The following SAMD4B variants were observed in gnomAD, a reference collection of about 807,000 sequenced individuals.
SAMD4B encodes protein Smaug homolog 2.
A neutral mutation model predicts 74.5 loss-of-function variants in SAMD4B; 5 were observed. The observed-to-expected ratio is 0.07, with a 90% confidence interval of 0.04 to 0.14. SAMD4B has a LOEUF of 0.14. SAMD4B is among the 10% of genes least tolerant of loss of function. SAMD4B has a pLI of 1.00. For missense variants in SAMD4B, 608 were observed against 921.8 expected (o/e 0.66, Z 4.41); for synonymous variants, 373 against 374.9 (o/e 1.00, Z 0.06).
intron 1 of SAMD4B, among the ~76,000 whole-genome samples, chr19:39,346,664 G>T (rs191435683): frequency 6.6e-6 from 1 of 152,238 alleles, no homozygotes; most frequent in Non-Finnish European, 1.5e-5. Context: ...GGGTCTGTGG[G>T]CACTGTCCAT....
At chr19:39,381,567 CT>C (rs2077989120) in intron 12 of SAMD4B, among the ~76,000 whole-genome samples, 1 of 152,172 alleles carries the variant, frequency 6.6e-6, no homozygotes, top group African/African-American at 2.4e-5. Context: ...AACCAGTGGA[CT>C]TCACCTCTTA....
In SAMD4B at chr19:39,369,659, C is replaced by A; in HGVS notation, c.201C>A (p.Ile67=). 1 of 1,613,510 alleles carries A rather than the reference C, an allele frequency of 6.2e-7. No individual in the cohort carries two copies. Among genetic ancestry groups the A allele is most frequent in the Non-Finnish European group, 8.5e-7 (1 of 1,179,606 alleles). The change falls in exon 4 of 14, where the codon ATC becomes ATA. Residue 67 remains isoleucine, a synonymous_variant. Transcript: ENST00000610417. ...TTCTTCTTATCCCTTCTGTAGCCAT[C>A]GTCAGCCAGTGGCAGCAGGAGTCCA... is the stretch of plus-strand genomic sequence containing the variant. ...LLESEANSAA[I]VSQWQQESKE...
At position 39,378,693 on chromosome 19, in the gene SAMD4B, G is replaced by T. The variant is rs977100092; in HGVS notation, c.1530+104G>T. 7 of 882,728 alleles carry T rather than the reference G, an allele frequency of 7.9e-6. No individual in the cohort carries two copies. The highest frequency in any genetic ancestry group is 4.2e-5 in the Admixed American group (2 of 47,332). The allele number at this position is 882,728 out of a possible 1,614,324, so 54.7% of individuals were successfully genotyped here. A position where few individuals can be genotyped will look rare whatever the true frequency, so the allele number is the denominator to read the frequency against. The stretch of plus-strand genomic sequence containing the variant: ...GCCACCGAGGCGGGCGGATCATGAG[G>T]TCAGGAGATCGAGACCATCCTGGCT... On this transcript the variant is annotated intron_variant, in intron 9 of 13. Transcript: ENST00000610417. The surrounding 1 kb of genome is among the most constrained non-coding windows in gnomAD (Gnocchi z 4.4).
chr19:39,381,306 G>A, intron 12 of SAMD4B, 193 bp downstream of exon 12: 1 of 602,316 alleles, frequency 1.7e-6, no homozygotes, highest in South Asian at 2.5e-5. Flanking sequence ...TATCTCTCAG[G>A]TCTTGCCCCC....
intron 1 of SAMD4B, among the ~76,000 whole-genome samples, chr19:39,349,520 A>G (rs1215976618): frequency 2.0e-5 from 3 of 152,138 alleles, no homozygotes; most frequent in Non-Finnish European, 4.4e-5. Flanking sequence ...ATTCTTTGCT[A>G]ATGCAGTGGT....
chr19:39,359,281 T>C (rs1389616929), intron 3 of SAMD4B, among the ~76,000 whole-genome samples: 1 of 152,238 alleles, frequency 6.6e-6, no homozygotes, highest in Non-Finnish European at 1.5e-5. Context: ...TAGCTGTATA[T>C]CAGAATCACC....
At position 39,383,776 on chromosome 19, in the gene SAMD4B, G is replaced by A; in HGVS notation, c.*249G>A. ...GCCAGGATAAAGGGGGCAGGGACTG[G>A]CCAGACTGCCTGCCTCTCTCCTTTC... is the stretch of plus-strand genomic sequence containing the variant. On this transcript the variant is annotated 3_prime_UTR_variant, in exon 14 of 14. Transcript: ENST00000610417. The surrounding 1 kb of genome is among the most constrained non-coding windows in gnomAD (Gnocchi z 4.1). 2 of 1,427,040 alleles carry A rather than the reference G, an allele frequency of 1.4e-6. No individual in the cohort carries two copies. Among genetic ancestry groups the A allele is most frequent in the Non-Finnish European group, 1.9e-6 (2 of 1,052,252 alleles). 88.4% of individuals were successfully genotyped at this position (1,427,040 alleles called of 1,614,324 possible). A position where few individuals can be genotyped will look rare whatever the true frequency, so the allele number is the denominator to read the frequency against.
chr19:39,371,919 G>C (rs1341431517), intron 4 of SAMD4B, among the ~76,000 whole-genome samples: 8 of 152,100 alleles, frequency 5.3e-5, no homozygotes, highest in African/African-American at 1.9e-4. Flanking sequence ...CAGGCATTCT[G>C]ACTATAGACT....
At chr19:39,371,329 C>A (rs2077282332) in intron 4 of SAMD4B, among the ~76,000 whole-genome samples, 1 of 152,138 alleles carries the variant, frequency 6.6e-6, no homozygotes, top group Non-Finnish European at 1.5e-5. Flanking sequence ...TGTTTTTCCC[C>A]CAGTTAGTGT....
rs1403440966 is a variant in SAMD4B at position 39,383,491 on chromosome 19, T to C, written c.2057-8T>C. ...GATCTTCCTCCCTTCCTCCCTTTCT[T>C]ACCACAGATGGGACAGACAAAACCT... On this transcript the variant is annotated splice_region_variant and splice_polypyrimidine_tract_variant and intron_variant, in intron 13 of 13. Transcript: ENST00000610417. This position sits in a 1 kb window ranked among gnomAD's most constrained non-coding sequence, Gnocchi z 4.1. 2 of 1,614,034 alleles carry C rather than the reference T, an allele frequency of 1.2e-6. No homozygotes were observed. Among genetic ancestry groups the C allele is most frequent in the South Asian group, 1.1e-5 (1 of 91,068 alleles).
intron 3 of SAMD4B, among the ~76,000 whole-genome samples, chr19:39,364,843 G>A (rs2076861107): frequency 6.6e-6 from 1 of 152,186 alleles, no homozygotes; most frequent in African/African-American, 2.4e-5. Context: ...GACAGACAAG[G>A]GAATGAGGTT....
chr19:39,368,794 A>G (rs2077124271), intron 3 of SAMD4B, among the ~76,000 whole-genome samples: 1 of 152,222 alleles, frequency 6.6e-6, no homozygotes, highest in Admixed American at 6.5e-5. Context: ...AACACTGTGA[A>G]TTGGGTACTG....
chr19:39,381,786 TCTGGGC>T (rs2078002666), intron 12 of SAMD4B, among the ~76,000 whole-genome samples: 1 of 152,044 alleles, frequency 6.6e-6, no homozygotes, highest in Non-Finnish European at 1.5e-5. Flanking sequence ...ACAGAAATTA[TCTGGGC>T]ATGGTGGCAC....
At chr19:39,368,063 A>C (rs2077074686) in intron 3 of SAMD4B, among the ~76,000 whole-genome samples, 1 of 151,774 alleles carries the variant, frequency 6.6e-6, no homozygotes, top group Admixed American at 6.6e-5. Flanking sequence ...AAATACAAAA[A>C]ATAAGCTGGG....
intron 1 of SAMD4B, among the ~76,000 whole-genome samples, chr19:39,344,455 A>G (rs2145152711): frequency 6.6e-6 from 1 of 151,978 alleles, no homozygotes; most frequent in African/African-American, 2.4e-5. Flanking sequence ...TTTTTAGAGA[A>G]TTTTCTCCCA....
chr19:39,389,892 G>A, downstream of SAMD4B: 1 of 1,316,674 alleles, frequency 7.6e-7, no homozygotes, highest in Non-Finnish European at 1.1e-6. This position sits in a 1 kb window ranked among gnomAD's most constrained non-coding sequence, Gnocchi z 5.3. Context: ...TCTGAAAGCT[G>A]GCTCCCCAGT....
Position 39,383,237 on chromosome 19 carries a change from A to G in SAMD4B, c.2002A>G (p.Ile668Val), listed in dbSNP as rs942822803. 1.2e-6 allele frequency: 2 copies of G among 1,613,530 alleles called. No individual in the cohort carries two copies. The highest frequency in any genetic ancestry group is 2.7e-5 in the African/African-American group (2 of 74,680). Residue 668 changes from isoleucine (I) to valine (V), a missense_variant, in exon 13 of 14, where the codon ATC becomes GTC. Transcript: ENST00000610417. The surrounding 1 kb of genome is among the most constrained non-coding windows in gnomAD (Gnocchi z 4.1). ...DCPVPGPDLE[I>V]NPTLESLCLS... ...CCCGGTTCCTGGGCCTGACCTGGAG[A>G]TCAATCCCACTCTGGAGTCTCTGTG...
intron 1 of SAMD4B, among the ~76,000 whole-genome samples, chr19:39,345,748 A>T (rs1006276546): frequency 1.3e-5 from 2 of 152,148 alleles, no homozygotes; most frequent in Non-Finnish European, 2.9e-5. Flanking sequence ...AAGTTATTGG[A>T]AATCACTGGA....
At chr19:39,379,908 A>AG in intron 9 of SAMD4B, 58 bp from the exon 10 acceptor site, 1 of 1,366,558 alleles carries the variant, frequency 7.3e-7, no homozygotes. Context: ...GAAGACTGGA[A>AG]GGGAGGTCTG....
Sources: allele counts gnomAD v4.1 joint callset (sites outside exome capture counted in the v4.1 genomes callset), GRCh38; gene constraint gnomAD v4.1.1; non-coding constraint Gnocchi (gnomAD v3.1); transcripts MANE v1.5; gene names NCBI Gene and HGNC (gene_info 2026-07-23, HGNC 2026-07-21).